The following DTD1 variants were observed in gnomAD, a reference collection of about 807,000 sequenced individuals.
The protein encoded by DTD1 is D-tyrosyl-tRNA deacylase 1 homolog.
DTD1 carries 13 observed loss-of-function variants against 25.6 expected under a neutral mutation model. The observed-to-expected ratio is 0.51, with a 90% CI of 0.33 to 0.81. The LOEUF is 0.81. DTD1 is among the 30% of genes least tolerant of loss of function. DTD1 has a pLI of 0.02. For synonymous variants in DTD1, 110 were observed against 103.6 expected (o/e 1.06, Z -0.37); for missense variants, 193 against 266.4 (o/e 0.72, Z 1.92).
intron 2 of DTD1, 53 bp downstream of exon 2, chr20:18,593,874 T>C (rs530580400): frequency 7.0e-7 from 1 of 1,433,472 alleles, no homozygotes; most frequent in East Asian, 2.3e-5. Context: ...GTGGTGGTCA[T>C]GCTGGGAACT....
chr20:18,624,380 G>C (rs2060749105), intron 3 of DTD1, among the ~76,000 whole-genome samples: 1 of 152,152 alleles, frequency 6.6e-6, no homozygotes, highest in African/African-American at 2.4e-5. Flanking sequence ...ACAGTCCCAG[G>C]GAGAAATTAC....
intron 3 of DTD1, among the ~76,000 whole-genome samples, chr20:18,616,408 G>T (rs975715826): frequency 6.6e-6 from 1 of 152,024 alleles, no homozygotes; most frequent in Non-Finnish European, 1.5e-5. Context: ...TGATTTCATT[G>T]ATTTGCTTAG....
intron 4 of DTD1, among the ~76,000 whole-genome samples, chr20:18,669,964 T>C (rs2060945914): frequency 6.6e-6 from 1 of 152,212 alleles, no homozygotes; most frequent in African/African-American, 2.4e-5. Context: ...AGGGATTGTC[T>C]GCAAGCGCAC....
intron 4 of DTD1, among the ~76,000 whole-genome samples, chr20:18,676,403 A>C (rs560887852): frequency 6.6e-6 from 1 of 152,280 alleles, no homozygotes; most frequent in East Asian, 1.9e-4. Flanking sequence ...TTTTTTTAAA[A>C]AAGTCAGCTA....
intron 4 of DTD1, among the ~76,000 whole-genome samples, chr20:18,701,671 T>C (rs1243313719): frequency 6.6e-6 from 1 of 152,208 alleles, no homozygotes; most frequent in African/African-American, 2.4e-5. Context: ...ACGTGGGACA[T>C]AGGCCTGACA....
At chr20:18,701,763 A>G (rs895291860) in intron 4 of DTD1, among the ~76,000 whole-genome samples, 1 of 152,226 alleles carries the variant, frequency 6.6e-6, no homozygotes, top group East Asian at 1.9e-4. Context: ...ACTAACTGAC[A>G]CATGAATGTT....
chr20:18,708,285 T>TA (rs1316510709), intron 4 of DTD1, among the ~76,000 whole-genome samples: 60 of 35,732 alleles, frequency 1.7e-3, no homozygotes, highest in Non-Finnish European at 2.8e-3. Flanking sequence ...ATAATATATA[T>TA]TATATATATA....
intron 4 of DTD1, chr20:18,643,014 C>T (rs2060835687): frequency 6.3e-6 from 1 of 157,556 alleles, no homozygotes; most frequent in African/African-American, 2.4e-5. Flanking sequence ...CTCTTGGGTT[C>T]AAGAGATTCT....
At chr20:18,677,031 T>A (rs1205216292) in intron 4 of DTD1, among the ~76,000 whole-genome samples, 1 of 152,220 alleles carries the variant, frequency 6.6e-6, no homozygotes, top group Non-Finnish European at 1.5e-5. Context: ...TTCCTATACA[T>A]TATTCAGGTG....
At chr20:18,704,461 T>A (rs1050836230) in intron 4 of DTD1, among the ~76,000 whole-genome samples, 1 of 151,648 alleles carries the variant, frequency 6.6e-6, no homozygotes, top group East Asian at 1.9e-4. Context: ...GTGCAAGGGG[T>A]GGGGAAAAGA....
intron 4 of DTD1, among the ~76,000 whole-genome samples, chr20:18,686,303 T>A (rs1218099971): frequency 6.6e-6 from 1 of 152,268 alleles, no homozygotes; most frequent in Non-Finnish European, 1.5e-5. Flanking sequence ...TATCAGCTTT[T>A]AAAAACCAAT....
intron 5 of DTD1, among the ~76,000 whole-genome samples, chr20:18,750,810 T>A (rs2061318710): frequency 6.6e-6 from 1 of 152,202 alleles, no homozygotes; most frequent in Non-Finnish European, 1.5e-5. Context: ...ACTAAAATGA[T>A]GTGGTTTCTG....
intron 5 of DTD1, among the ~76,000 whole-genome samples, chr20:18,759,430 G>T (rs1034733373): frequency 5.9e-5 from 9 of 152,138 alleles, no homozygotes; most frequent in Non-Finnish European, 1.0e-4. Context: ...GGGCAGGCCT[G>T]GTGGTGACCA....
At chr20:18,654,721 G>GT (rs2060885764) in intron 4 of DTD1, among the ~76,000 whole-genome samples, 1 of 151,984 alleles carries the variant, frequency 6.6e-6, no homozygotes, top group Non-Finnish European at 1.5e-5. Flanking sequence ...TCCAGAACCT[G>GT]TATTTTTCTC....
intron 4 of DTD1, chr20:18,632,185 A>T (rs950196727): frequency 2.0e-6 from 2 of 985,412 alleles, no homozygotes; most frequent in African/African-American, 3.5e-5. Context: ...AAAATCCTCA[A>T]GTAGGCATTT....
At chr20:18,690,443 C>T (rs1055087123) in intron 4 of DTD1, among the ~76,000 whole-genome samples, 1 of 152,128 alleles carries the variant, frequency 6.6e-6, no homozygotes, top group Non-Finnish European at 1.5e-5. Flanking sequence ...AGGGTATTTC[C>T]TAGGTTTTTC....
intron 4 of DTD1, chr20:18,632,214 C>T (rs770920209): frequency 1.0e-6 from 1 of 985,384 alleles, no homozygotes; most frequent in South Asian, 4.7e-5. Flanking sequence ...TCTAACGAGC[C>T]ATGTTAACTT....
chr20:18,644,866 C>A (rs2060844686), intron 4 of DTD1, among the ~76,000 whole-genome samples: 1 of 152,084 alleles, frequency 6.6e-6, no homozygotes, highest in South Asian at 2.1e-4. Flanking sequence ...GCGTATGGGG[C>A]CAGGCGCAGT....
At chr20:18,687,751 C>G (rs554404579) in intron 4 of DTD1, among the ~76,000 whole-genome samples, 2 of 152,186 alleles carry the variant, frequency 1.3e-5, no homozygotes, top group African/African-American at 4.8e-5. Context: ...ACTATGTTGC[C>G]AAGGCTGGTC....
Sources: gnomAD v4.1 joint callset for allele counts (sites outside exome capture counted in the v4.1 genomes callset) on GRCh38, gnomAD v4.1.1 for gene constraint, MANE v1.5 for transcripts, NCBI Gene and HGNC (gene_info 2026-07-23, HGNC 2026-07-21) for gene names.